The following PTPN20 variants were observed in gnomAD, a reference collection of about 807,000 sequenced individuals.
PTPN20 encodes the protein tyrosine-protein phosphatase non-receptor type 20.
In PTPN20, 9 loss-of-function variants were observed where a neutral mutation model predicts 35.0. The ratio of observed to expected loss-of-function variants is 0.26; its 90% confidence interval spans 0.15 to 0.45. PTPN20 has a LOEUF of 0.45. Ranked by LOEUF, PTPN20 falls within the 20% of genes least tolerant of loss-of-function variation. The pLI is 1.00. For missense variants in PTPN20, 111 were observed against 312.5 expected, an observed-to-expected ratio of 0.36 and a Z score of 4.86; for synonymous variants, 32 against 100.2, an observed-to-expected ratio of 0.32 and a Z score of 4.06.
chr10:46,991,753 A>C (rs1349639603), intron 9 of PTPN20, among the ~76,000 whole-genome samples: 1 of 146,144 alleles, frequency 6.8e-6, no homozygotes, highest in Non-Finnish European at 1.5e-5. Context: ...AAATAGGTCC[A>C]CAGTTTCTTC....
intron 2 of PTPN20, 65 bp from the exon 3 acceptor site, chr10:46,940,554 TTAAG>T (rs2043138945): frequency 6.7e-7 from 1 of 1,493,440 alleles, no homozygotes; most frequent in South Asian, 1.2e-5. Flanking sequence ...TTTTTTCTCA[TTAAG>T]GCTCCATTTT....
chr10:47,000,452 G>A (rs2059910952), intron 10 of PTPN20, among the ~76,000 whole-genome samples: 1 of 152,066 alleles, frequency 6.6e-6, no homozygotes, highest in Non-Finnish European at 1.5e-5. Context: ...GTTATGTTAA[G>A]CCTTAAGGTA....
intron 5 of PTPN20, among the ~76,000 whole-genome samples, chr10:46,949,555 GT>G (rs1459607085): frequency 6.7e-6 from 1 of 149,054 alleles, no homozygotes; most frequent in South Asian, 2.1e-4. Flanking sequence ...TTGATTTAGT[GT>G]TTTTTTTTCA....
chr10:46,995,333 C>CTTTTTTTTTTTT (rs878968027), intron 9 of PTPN20, among the ~76,000 whole-genome samples: 5 of 85,658 alleles, frequency 5.8e-5, no homozygotes, highest in Admixed American at 1.5e-4. Flanking sequence ...TTTTTTTTTT[C>CTTTTTTTTTTTT]TTTTTTTTTT....
At chr10:46,997,822 C>T (rs2059406715) in intron 9 of PTPN20, among the ~76,000 whole-genome samples, 1 of 152,070 alleles carries the variant, frequency 6.6e-6, no homozygotes, top group South Asian at 2.1e-4. Flanking sequence ...GCTTCATTAG[C>T]CCTTGGGGAA....
intron 1 of PTPN20, among the ~76,000 whole-genome samples, chr10:46,922,762 C>T (rs1330071758): frequency 7.2e-6 from 1 of 138,300 alleles, no homozygotes; most frequent in Non-Finnish European, 1.5e-5. Context: ...TGAAAATTTC[C>T]CTGCCATGTT....
intron 5 of PTPN20, among the ~76,000 whole-genome samples, chr10:46,954,824 A>C (rs1199920458): frequency 6.6e-6 from 1 of 151,212 alleles, no homozygotes; most frequent in Non-Finnish European, 1.5e-5. Flanking sequence ...GGAAACTTAG[A>C]TTATTGATAT....
At chr10:46,954,688 C>G (rs1332247411) in intron 5 of PTPN20, among the ~76,000 whole-genome samples, 1 of 148,526 alleles carries the variant, frequency 6.7e-6, no homozygotes. Context: ...TGATATTTTC[C>G]AAGAACTAGC....
At position 46,991,181 on chromosome 10, in the gene PTPN20, TGCCC is replaced by T. The variant is rs1299833788; in HGVS notation, c.1134+3627_1134+3630del. ...AATTTTTCCCTTTGTCACTGTGTAA[TGCCC>T]TACTTTGTCCTTTTAGATCATTGTT... On this transcript the variant is annotated intron_variant, in intron 9 of 10. Transcript: ENST00000374339. 2.8e-4 allele frequency among the ~76,000 whole-genome samples: 34 copies of T among 122,506 alleles called. 1 individual carries two copies. Among genetic ancestry groups the T allele is most frequent in the African/African-American group, 9.9e-4 (33 of 33,466 alleles). The allele number at this position is 122,506 out of a possible 152,430, so 80.4% of individuals were successfully genotyped here. A position where few individuals can be genotyped will look rare whatever the true frequency, so the allele number is the denominator to read the frequency against.
At chr10:46,953,242 A>G (rs1408305756) in intron 5 of PTPN20, among the ~76,000 whole-genome samples, 2 of 144,434 alleles carry the variant, frequency 1.4e-5, no homozygotes. Flanking sequence ...CCTTTTAAAT[A>G]TATTTTTTGG....
chr10:46,997,617 T>TAAAAA (rs782678312), intron 9 of PTPN20, among the ~76,000 whole-genome samples: 1 of 115,060 alleles, frequency 8.7e-6, no homozygotes. Context: ...ATGAAGAGGA[T>TAAAAA]AAAAAAAAAA....
intron 9 of PTPN20, among the ~76,000 whole-genome samples, chr10:46,996,802 A>G (rs2059174739): frequency 6.6e-6 from 1 of 152,130 alleles, no homozygotes; most frequent in Non-Finnish European, 1.5e-5. Context: ...GTATGGGCCT[A>G]TTTCTGGTTC....
At chr10:46,994,415 G>A (rs1400574404) in intron 9 of PTPN20, among the ~76,000 whole-genome samples, 161 of 131,918 alleles carry the variant, frequency 1.2e-3, no homozygotes, top group African/African-American at 4.5e-3. Flanking sequence ...TGCAAGCTCC[G>A]CCGCCTCCCA....
intron 5 of PTPN20, among the ~76,000 whole-genome samples, chr10:46,958,813 C>T (rs1476003673): frequency 2.8e-4 from 42 of 149,382 alleles, no homozygotes; most frequent in African/African-American, 9.4e-4. Context: ...AAAATTATGT[C>T]GTTCAATTTT....
At chr10:46,979,861 T>C (rs1271743160) in intron 7 of PTPN20, among the ~76,000 whole-genome samples, 11,404 of 136,472 alleles carry the variant, frequency 0.084, 11 homozygotes, top group African/African-American at 0.2. Context: ...GGGCCAACAA[T>C]ACACCCTCAC....
chr10:46,977,316 A>G (rs1225479085), intron 7 of PTPN20, among the ~76,000 whole-genome samples: 1 of 152,288 alleles, frequency 6.6e-6, no homozygotes, highest in Non-Finnish European at 1.5e-5. Context: ...GTTCTTTAAA[A>G]TAAATCTTTC....
intron 9 of PTPN20, among the ~76,000 whole-genome samples, chr10:46,988,773 C>T (rs1414492137): frequency 4.0e-5 from 6 of 151,478 alleles, no homozygotes; most frequent in South Asian, 2.1e-4. Flanking sequence ...CTGTCCTCTT[C>T]GTTTCTTTCA....
intron 2 of PTPN20, among the ~76,000 whole-genome samples, chr10:46,937,061 TTTG>T (rs1589345089): frequency 2.6e-5 from 4 of 151,384 alleles, no homozygotes; most frequent in South Asian, 2.1e-4. Context: ...TCCTTTAACT[TTTG>T]TTGTTGTTGT....
chr10:46,982,794 G>A (rs1424149791), intron 7 of PTPN20, among the ~76,000 whole-genome samples: 15 of 151,856 alleles, frequency 9.9e-5, no homozygotes, highest in Non-Finnish European at 1.9e-4. Flanking sequence ...ATTATTATAT[G>A]ACATATATCA....
Sources: gnomAD v4.1 joint callset for allele counts (sites outside exome capture counted in the v4.1 genomes callset) on GRCh38, gnomAD v4.1.1 for gene constraint, MANE v1.5 for transcripts, NCBI Gene and HGNC (gene_info 2026-07-23, HGNC 2026-07-21) for gene names.